SEMA5B: variants seen among roughly 807,000 people sequenced by gnomAD.
SEMA5B encodes semaphorin-5B.
Under a neutral mutation model 135.0 loss-of-function variants are expected in SEMA5B, and 66 were observed. The observed-to-expected ratio is 0.49, with a 90% CI of 0.40 to 0.60. SEMA5B has a LOEUF of 0.60. Among genes scored for constraint, SEMA5B ranks in the 20% least tolerant of loss-of-function variants. The probability of loss-of-function intolerance (pLI) is 0.00; values close to 1 mark genes in which losing one functional copy is unlikely to be tolerated. For missense variants in SEMA5B, 1,501 were observed against 1,566.3 expected (o/e 0.96, Z 0.70); for synonymous variants, 690 against 639.5 (o/e 1.08, Z -1.19).
intron 2 of SEMA5B, among the ~76,000 whole-genome samples, chr3:122,952,330 T>C (rs1422713655): frequency 1.3e-5 from 2 of 152,156 alleles, no homozygotes; most frequent in African/African-American, 4.8e-5. Context: ...CATTGACCCC[T>C]GGCCCCTCAA....
chr3:122,966,649 G>T (rs954604794), intron 1 of SEMA5B, among the ~76,000 whole-genome samples: 2 of 150,256 alleles, frequency 1.3e-5, no homozygotes, highest in African/African-American at 4.9e-5. Flanking sequence ...CCGCCTCCTG[G>T]GTTCACGCCA....
intron 5 of SEMA5B, among the ~76,000 whole-genome samples, chr3:122,931,391 T>A (rs1938964165): frequency 6.6e-6 from 1 of 152,158 alleles, no homozygotes; most frequent in African/African-American, 2.4e-5. Flanking sequence ...AAAATCAACA[T>A]TGGTATTTAC....
chr3:122,912,376 G>A (rs1160981097), intron 18 of SEMA5B, 34 bp from the exon 19 acceptor site: 10 of 1,516,814 alleles, frequency 6.6e-6, no homozygotes, highest in Non-Finnish European at 5.3e-6. Flanking sequence ...GGGGCTGTAG[G>A]GGCAGCCAGG....
At chr3:122,935,963 G>C (rs1939258195) in intron 5 of SEMA5B, among the ~76,000 whole-genome samples, 1 of 152,188 alleles carries the variant, frequency 6.6e-6, no homozygotes, top group Admixed American at 6.5e-5. Flanking sequence ...AAAGTGCTGG[G>C]AATACAGGAG....
At chr3:123,017,879 G>T (rs1036904199) in intron 1 of SEMA5B, among the ~76,000 whole-genome samples, 5 of 151,170 alleles carry the variant, frequency 3.3e-5, no homozygotes, top group Non-Finnish European at 7.4e-5. Context: ...CTGCACTCCA[G>T]CCTGGGCGAC....
rs372518721 is a variant in SEMA5B at position 122,955,104 on chromosome 3, T to C, written c.124+6036A>G. Among the ~76,000 whole-genome samples the C allele has an allele frequency of 6.6e-5, 10 of 151,722 alleles. No individual in the cohort carries two copies. The South Asian group carries it at 1.0e-3, about 16-fold the overall frequency. On this transcript the variant is annotated intron_variant, in intron 2 of 22. Transcript: ENST00000357599. ...GGTGTTGAGCCTACCTGAGTAGTCA[T>C]CATCTTCTTCTTTTTTTTTTTTAGA... is the stretch of plus-strand genomic sequence containing the variant.
chr3:122,956,675 G>A (rs1311509417), intron 2 of SEMA5B, among the ~76,000 whole-genome samples: 2 of 152,092 alleles, frequency 1.3e-5, no homozygotes, highest in Admixed American at 6.5e-5. Flanking sequence ...ACCCTCCCCC[G>A]TTTTCAGACA....
chr3:122,961,071 G>T, intron 2 of SEMA5B, 69 bp downstream of exon 2: 8 of 1,474,054 alleles, frequency 5.4e-6, no homozygotes, highest in East Asian at 2.3e-5. Context: ...AGATGAGGGG[G>T]TCTTCTCCCT....
chr3:123,023,714 G>A (rs1279485463), intron 1 of SEMA5B, among the ~76,000 whole-genome samples: 2 of 152,158 alleles, frequency 1.3e-5, no homozygotes, highest in African/African-American at 4.8e-5. Flanking sequence ...CAAACCCACA[G>A]GGGAAAAAAC....
chr3:122,994,517 G>T (rs1941977234), intron 1 of SEMA5B, among the ~76,000 whole-genome samples: 2 of 152,146 alleles, frequency 1.3e-5, no homozygotes, highest in South Asian at 4.1e-4. Flanking sequence ...TGTGCTGATG[G>T]GTCTGTAGGG....
rs753744760 is a variant in SEMA5B, at chr3:122,961,320, G to A, written c.-38-19C>T. ...CCACTCACTGAAGGGGGAGAATTTT[G>A]GGTAAGTCATGGATACATGATGAAC... On this transcript the variant is annotated intron_variant, in intron 1 of 22. Coordinates refer to ENST00000357599, the MANE Select transcript of SEMA5B (RefSeq NM_001031702.4). The A allele has an allele frequency of 1.4e-5, 23 of 1,610,028 alleles. No homozygotes were observed. Among genetic ancestry groups the A allele is most frequent in the Non-Finnish European group, 8.5e-6 (10 of 1,177,808 alleles).
At chr3:122,981,741 G>T (rs79721836) in intron 1 of SEMA5B, among the ~76,000 whole-genome samples, 3 of 152,294 alleles carry the variant, frequency 2.0e-5, no homozygotes, top group African/African-American at 4.8e-5. Context: ...AGCAGGGAAG[G>T]CTTCTCCGCT....
intron 1 of SEMA5B, among the ~76,000 whole-genome samples, chr3:123,024,737 T>C (rs7621600): frequency 6.6e-6 from 1 of 152,208 alleles, no homozygotes; most frequent in Admixed American, 6.5e-5. Context: ...GGAGACAAGA[T>C]AACATGTATA....
intron 10 of SEMA5B, among the ~76,000 whole-genome samples, chr3:122,922,738 T>C (rs1938427148): frequency 6.6e-6 from 1 of 151,978 alleles, no homozygotes; most frequent in Admixed American, 6.6e-5. Context: ...AACGGATACT[T>C]TGAGTGTGGA....
intron 2 of SEMA5B, among the ~76,000 whole-genome samples, chr3:122,960,449 T>C (rs1940525307): frequency 1.3e-5 from 2 of 152,236 alleles, no homozygotes; most frequent in Non-Finnish European, 2.9e-5. Flanking sequence ...AATTACCATA[T>C]GATCCAGCAA....
Position 122,948,512 on chromosome 3 carries a change from A to C in SEMA5B, c.322T>G (p.Phe108Val). 6.3e-7 allele frequency: 1 copy of C among 1,599,124 alleles called. No homozygotes were observed. Among genetic ancestry groups the C allele is most frequent in the African/African-American group, 1.3e-5 (1 of 74,712 alleles). Residue 108 changes from phenylalanine (F) to valine (V), a missense_variant, in exon 3 of 23, where the codon TTT becomes GTT. By Grantham distance (50) the Phe-to-Val change is conservative (BLOSUM62 -1). Coordinates refer to ENST00000357599, the MANE Select transcript of SEMA5B (RefSeq NM_001031702.4). Reference protein sequence around the residue: ...CALSKHPTVAFEDLQPWVSNF... With the variant: ...CALSKHPTVAVEDLQPWVSNF... The stretch of plus-strand genomic sequence containing the variant: ...AGTAGGAAGCAACTCTTACCTTCAA[A>C]GGCCACGGTGGGGTGCTTGCTAAGG...
chr3:122,944,750 C>A (rs1939710079), intron 3 of SEMA5B, among the ~76,000 whole-genome samples: 1 of 152,162 alleles, frequency 6.6e-6, no homozygotes, highest in Non-Finnish European at 1.5e-5. Flanking sequence ...GCTGACTCGC[C>A]CGGTTTCCCT....
chr3:123,013,970 C>A (rs374888531), intron 1 of SEMA5B, among the ~76,000 whole-genome samples: 1 of 152,206 alleles, frequency 6.6e-6, no homozygotes, highest in African/African-American at 2.4e-5. Context: ...GTGAGAGGAG[C>A]TTTGGGCACA....
upstream of SEMA5B, among the ~76,000 whole-genome samples, chr3:123,028,016 C>T (rs548902737): frequency 1.2e-3 from 183 of 152,244 alleles, 1 homozygote; most frequent in African/African-American, 4.2e-3. Context: ...GAAGCCCCTT[C>T]CCCGGCCGGC....
Sources: allele counts gnomAD v4.1 joint callset (sites outside exome capture counted in the v4.1 genomes callset), GRCh38; gene constraint gnomAD v4.1.1; transcripts MANE v1.5; gene names NCBI Gene and HGNC (gene_info 2026-07-23, HGNC 2026-07-21).